Variants in PGM3 observed in about 807,000 individuals in gnomAD.
PGM3 encodes the protein phosphoacetylglucosamine mutase.
A neutral mutation model predicts 66.2 loss-of-function variants in PGM3; 40 were observed. That is an observed-to-expected ratio of 0.60 (90% CI 0.47 to 0.79). The LOEUF (loss-of-function observed/expected upper bound fraction) is 0.79, where lower values mean the gene tolerates loss of function less well. Among genes scored for constraint, PGM3 ranks in the 30% least tolerant of loss-of-function variants. The pLI, the probability that PGM3 is intolerant of heterozygous loss-of-function variation, is 0.00. For synonymous variants in PGM3, 191 were observed against 224.2 expected, an observed-to-expected ratio of 0.85 and a Z score of 1.32; for missense variants, 537 against 643.4, an observed-to-expected ratio of 0.83 and a Z score of 1.79.
rs1787965796 is a variant in PGM3, at chr6:83,178,844, TATC to T, written c.946-91_946-89del. The T allele has an allele frequency of 5.0e-6, 4 of 802,322 alleles. No homozygotes were observed. The East Asian group carries it at 9.8e-5, about 20-fold the overall frequency. 49.7% of individuals were successfully genotyped at this position (802,322 alleles called of 1,614,324 possible). A position where few individuals can be genotyped will look rare whatever the true frequency, so the allele number is the denominator to read the frequency against. On this transcript the variant is annotated intron_variant, in intron 7 of 12. Coordinates refer to ENST00000513973, the MANE Select transcript of PGM3 (RefSeq NM_015599.3). ...TGAGAGTTCTAAAGGCTACCAAAAT[TATC>T]AGCCAGTTCAGTTGTGCCTTAGTTT...
upstream of PGM3, chr6:83,193,500 A>G (rs1050343976): frequency 3.9e-5 from 6 of 152,204 alleles, no homozygotes; most frequent in East Asian, 2.0e-4. Context: ...CCCTCAGAGC[A>G]CTGCGGCCGC....
chr6:83,154,361 TG>T, the PGM3 span: 1 of 859,724 alleles, frequency 1.2e-6, no homozygotes, highest in South Asian at 1.6e-5. Flanking sequence ...CAAGTGTCAG[TG>T]GGGATATGTG....
rs762778420 is a variant in PGM3 at position 83,190,767 on chromosome 6, TGTAAATAATG to T, written c.204+32_204+41del. 2.1e-5 allele frequency: 31 copies of T among 1,470,662 alleles called. No individual in the cohort carries two copies. In the East Asian group the frequency reaches 6.3e-4, roughly 30 times the overall value. 91.1% of individuals were successfully genotyped at this position (1,470,662 alleles called of 1,614,324 possible). A position where few individuals can be genotyped will look rare whatever the true frequency, so the allele number is the denominator to read the frequency against. On this transcript the variant is annotated intron_variant, in intron 2 of 12. Coordinates refer to ENST00000513973, the MANE Select transcript of PGM3 (RefSeq NM_015599.3). ...TTGCTCAGACACTAAGGCTTGGTCT[TGTAAATAATG>T]GTCTGCTTTATCAGGGCACTAAACC...
the PGM3 span, chr6:83,148,871 AT>A: frequency 7.0e-7 from 1 of 1,425,234 alleles, no homozygotes; most frequent in African/African-American, 1.5e-5. Flanking sequence ...TGGGTAAGCA[AT>A]TTCACTTAAT....
At chr6:83,191,137 T>C in intron 1 of PGM3, 123 bp from the exon 2 acceptor site, 1 of 1,477,422 alleles carries the variant, frequency 6.8e-7, no homozygotes. Context: ...AAGAACCCTA[T>C]GTTTGACAGA....
At chr6:83,162,960 C>CAT, downstream of PGM3, 1 of 1,578,684 alleles carries the variant, frequency 6.3e-7, no homozygotes, top group Non-Finnish European at 8.6e-7. Context: ...TACATCACTA[C>CAT]ATGTTGCATT....
rs530133607 is a variant in PGM3 at position 83,168,811 on chromosome 6, A to G, written c.*423T>C. 131 of 1,009,736 alleles carry G rather than the reference A, an allele frequency of 1.3e-4. 1 individual carries two copies. The South Asian group carries it at 5.1e-3, about 39-fold the overall frequency. The allele number at this position is 1,009,736 out of a possible 1,614,324, so 62.5% of individuals were successfully genotyped here. A position where few individuals can be genotyped will look rare whatever the true frequency, so the allele number is the denominator to read the frequency against. On this transcript the variant is annotated 3_prime_UTR_variant, in exon 13 of 13. Transcript: ENST00000513973. ...TCTGCAATGGAAAAACTGGTTGTAT[A>G]AAGTCTTCTCTGCCCTCTCCATTTG...
Position 83,178,738 on chromosome 6 carries a change from T to A in PGM3, c.964A>T (p.Ile322Phe), listed in dbSNP as rs568482369. The A allele has an allele frequency of 1.3e-6, 2 of 1,584,684 alleles. No homozygotes were observed. Among genetic ancestry groups the A allele is most frequent in the African/African-American group, 1.3e-5 (1 of 74,472 alleles). The change falls in exon 8 of 13, where the codon ATT (isoleucine) becomes TTT (phenylalanine). Residue 322 changes from isoleucine to phenylalanine, a missense_variant. Ile to Phe is a conservative substitution (Grantham distance 21). Coordinates refer to ENST00000513973, the MANE Select transcript of PGM3 (RefSeq NM_015599.3). ...GCATATGCAGTTTGTACAACACCAA[T>A]ATTCAAACTTTCTCCAATCTAGACA... ...LLVEIGESLN[I>F]GVVQTAYANG...
At position 83,188,751 on chromosome 6, in the gene PGM3, T is replaced by C. The variant is rs752597258; in HGVS notation, c.252A>G (p.Ala84=). ...KLVDPLGEML[A]PSWEEHATCL... ...AGGTGGCATGTTCCTCCCAGGATGG[T>C]GCCAACATTTCACCCAAAGGATCAA... Residue 84 remains alanine (A), a synonymous_variant, in exon 3 of 13, where the codon GCA becomes GCG. Coordinates refer to ENST00000513973, the MANE Select transcript of PGM3 (RefSeq NM_015599.3). The C allele has an allele frequency of 6.4e-5, 104 of 1,613,962 alleles. No individual in the cohort carries two copies. Among genetic ancestry groups the C allele is most frequent in the Non-Finnish European group, 8.4e-5 (99 of 1,179,982 alleles).
chr6:83,182,671 TTAGCAGGATACA>T (rs1788265429), intron 5 of PGM3, among the ~76,000 whole-genome samples, 162 bp downstream of exon 5: 1 of 152,146 alleles, frequency 6.6e-6, no homozygotes, highest in Non-Finnish European at 1.5e-5. Context: ...CCAATGTAAG[TTAGCAGGATACA>T]TAGACCAGAA....
At chr6:83,161,266 C>T (rs568867759), downstream of PGM3, 3 of 151,938 alleles carry the variant, frequency 2.0e-5, no homozygotes, top group South Asian at 2.1e-4. Flanking sequence ...GGAAACATGC[C>T]GTTATATTAA....
chr6:83,160,393 G>T (rs898520470), downstream of PGM3, among the ~76,000 whole-genome samples: 1 of 152,232 alleles, frequency 6.6e-6, no homozygotes, highest in Non-Finnish European at 1.5e-5. Context: ...GACATGATAC[G>T]TCTGAAGTGT....
rs376979392 is a variant in PGM3 at position 83,181,729 on chromosome 6, G to C, written c.787+7C>G. On this transcript the variant is annotated splice_region_variant and intron_variant, in intron 6 of 12. Coordinates refer to ENST00000513973, the MANE Select transcript of PGM3 (RefSeq NM_015599.3). ...AAACAAATTTTTGCAGTGCTAGTAC[G>C]ACATACCCTGTGGAGGTTTCTGATG... The C allele has an allele frequency of 6.2e-7, 1 of 1,600,788 alleles. No individual in the cohort carries two copies. Among genetic ancestry groups the C allele is most frequent in the Non-Finnish European group, 8.5e-7 (1 of 1,174,094 alleles).
Position 83,166,660 on chromosome 6 carries a change from C to T in PGM3, c.*2574G>A. The T allele has an allele frequency of 1.6e-6, 2 of 1,248,824 alleles. No individual in the cohort carries two copies. Among genetic ancestry groups the T allele is most frequent in the Non-Finnish European group, 2.1e-6 (2 of 975,062 alleles). 77.4% of individuals were successfully genotyped at this position (1,248,824 alleles called of 1,614,324 possible). A position where few individuals can be genotyped will look rare whatever the true frequency, so the allele number is the denominator to read the frequency against. On this transcript the variant is annotated 3_prime_UTR_variant, in exon 13 of 13. Coordinates refer to ENST00000513973, the MANE Select transcript of PGM3 (RefSeq NM_015599.3). ...ACGGCAAATTTCAACAATGCAAAAA[C>T]CGCAATTACGTTTGCACCAACCTAA...
chr6:83,152,266 T>G, the PGM3 span: 1 of 1,455,946 alleles, frequency 6.9e-7, no homozygotes. Flanking sequence ...TAGCCATATC[T>G]TTAATTTTCT....
intron 4 of PGM3, 29 bp from the exon 5 acceptor site, chr6:83,183,007 C>T (rs1788308529): frequency 1.3e-6 from 2 of 1,599,286 alleles, no homozygotes; most frequent in Middle Eastern, 3.3e-4. Flanking sequence ...AAGCAATTCA[C>T]CGCATTTCTT....
rs34238319 is a variant in PGM3, at chr6:83,176,005, T to A, written c.1085A>T (p.Glu362Val). 2.2e-4 allele frequency: 355 copies of A among 1,612,218 alleles called. No individual in the cohort carries two copies. Among genetic ancestry groups the A allele is most frequent in the Admixed American group, 1.3e-4 (8 of 60,002 alleles). The change falls in exon 9 of 13, where the codon GAG becomes GTG. Residue 362 changes from glutamate to valine, a missense_variant. Physicochemically the swap from Glu to Val is moderately radical, Grantham distance 121 (BLOSUM62 -2). Coordinates refer to ENST00000513973, the MANE Select transcript of PGM3 (RefSeq NM_015599.3). Reference protein sequence around the residue: ...GVKHLHHKAQEFDIGVYFEAN... With the variant: ...GVKHLHHKAQVFDIGVYFEAN... ...TTCAAAATAAACTCCAATGTCAAACTCTTGAGCCTTGTGGTGCAAATGTTT... is the reference window on the plus strand; with the variant it reads ...TTCAAAATAAACTCCAATGTCAAACACTTGAGCCTTGTGGTGCAAATGTTT...
rs751585605 is a variant in PGM3 at position 83,178,768 on chromosome 6, CAAT to C, written c.946-15_946-13del. ...AAACTTTCTCCAATCTAGACAAAAACAATGATACTTAACTTGCCATCAAAAGTA... is the reference window on the plus strand; with the variant it reads ...AAACTTTCTCCAATCTAGACAAAAACGATACTTAACTTGCCATCAAAAGTA... On this transcript the variant is annotated splice_polypyrimidine_tract_variant and intron_variant, in intron 7 of 12. Coordinates refer to ENST00000513973, the MANE Select transcript of PGM3 (RefSeq NM_015599.3). 6 of 1,416,058 alleles carry C rather than the reference CAAT, an allele frequency of 4.2e-6. No individual in the cohort carries two copies. The South Asian group carries it at 4.6e-5, about 11-fold the overall frequency. The allele number at this position is 1,416,058 out of a possible 1,614,324, so 87.7% of individuals were successfully genotyped here. A position where few individuals can be genotyped will look rare whatever the true frequency, so the allele number is the denominator to read the frequency against.
chr6:83,167,240 C>G lies in PGM3; in HGVS notation c.*1994G>C. 1.0e-6 allele frequency: 1 copy of G among 968,354 alleles called. No individual in the cohort carries two copies. Among genetic ancestry groups the G allele is most frequent in the Non-Finnish European group, 1.2e-6 (1 of 814,362 alleles). The allele number at this position is 968,354 out of a possible 1,614,324, so 60.0% of individuals were successfully genotyped here. ...GTATGGCAGAGCCAGCACACTAACT[C>G]AATTCCTTTGACTCCAGGTCCAGCT... is the stretch of plus-strand genomic sequence containing the variant. On this transcript the variant is annotated 3_prime_UTR_variant, in exon 13 of 13. Transcript: ENST00000513973.
Sources: gnomAD v4.1 joint callset for allele counts (sites outside exome capture counted in the v4.1 genomes callset) on GRCh38, gnomAD v4.1.1 for gene constraint, MANE v1.5 for transcripts, NCBI Gene and HGNC (gene_info 2026-07-23, HGNC 2026-07-21) for gene names.